The following COBLL1 variants were observed in gnomAD, a reference collection of about 807,000 sequenced individuals.
The protein encoded by COBLL1 is cordon-bleu protein-like 1.
A neutral mutation model predicts 94.8 loss-of-function variants in COBLL1; 50 were observed. That is an observed-to-expected ratio of 0.53 (90% confidence interval 0.42 to 0.67). The LOEUF (loss-of-function observed/expected upper bound fraction) is 0.67, where lower values mean the gene tolerates loss of function less well. COBLL1 is among the 30% of genes least tolerant of loss of function. The pLI is 0.00. For synonymous variants in COBLL1, 448 were observed against 473.8 expected, an observed-to-expected ratio of 0.95 and a Z score of 0.71; for missense variants, 1,362 against 1,348.7, an observed-to-expected ratio of 1.01 and a Z score of -0.15.
chr2:164,710,212 G>A (rs1684813986), intron 7 of COBLL1, among the ~76,000 whole-genome samples: 1 of 152,082 alleles, frequency 6.6e-6, no homozygotes, highest in African/African-American at 2.4e-5. Flanking sequence ...GAACAACTGG[G>A]ACTTGAGAAA....
In COBLL1 at chr2:164,685,436, T is replaced by C. The variant is rs959763133; in HGVS notation, c.*510A>G. The C allele has an allele frequency of 6.6e-6, 1 of 152,226 alleles. No individual in the cohort carries two copies. Among genetic ancestry groups the C allele is most frequent in the African/African-American group, 2.4e-5 (1 of 41,474 alleles). The allele number at this position is 152,226 out of a possible 1,614,324, so 9.4% of individuals were successfully genotyped here. On this transcript the variant is annotated 3_prime_UTR_variant, in exon 14 of 14. Coordinates refer to ENST00000652658, the MANE Select transcript of COBLL1 (RefSeq NM_001365672.2). Reference sequence around the variant, plus strand: ...AGTGATTCATCATTGAAAATAATTATTGAACTGAATATACTTATTTGGTAT... The same window carrying C: ...AGTGATTCATCATTGAAAATAATTACTGAACTGAATATACTTATTTGGTAT...
At chr2:164,726,516 A>T (rs1313473911) in intron 5 of COBLL1, among the ~76,000 whole-genome samples, 1 of 152,104 alleles carries the variant, frequency 6.6e-6, no homozygotes, top group Non-Finnish European at 1.5e-5. Flanking sequence ...AATAAATAAT[A>T]AAAAAATCAC....
chr2:164,738,632 C>T (rs183376707), intron 3 of COBLL1, among the ~76,000 whole-genome samples: 82 of 152,256 alleles, frequency 5.4e-4, no homozygotes, highest in Middle Eastern at 3.4e-3. Context: ...AGATGTTTAT[C>T]GATTATATAC....
chr2:164,732,597 G>T (rs562576645), intron 3 of COBLL1, among the ~76,000 whole-genome samples: 117 of 152,338 alleles, frequency 7.7e-4, no homozygotes, highest in African/African-American at 2.6e-3. Flanking sequence ...GTAGCTGTCT[G>T]CTGTTGTCTA....
In COBLL1 at chr2:164,695,268, T is replaced by C. The variant is rs1303202342; in HGVS notation, c.2124A>G (p.Arg708=). The C allele has an allele frequency of 6.2e-7, 1 of 1,613,852 alleles. No homozygotes were observed. The highest frequency in any genetic ancestry group is 8.5e-7 in the Non-Finnish European group (1 of 1,179,950). ...GTTTTGGCTTGGGATTGTAGTCCTG[T>C]CTATAAAGTGGGTAATTCTTTAGGT... The part of the protein sequence containing the change: ...ASYLKNYPLY[R]QDYNPKPKPS... Residue 708 remains arginine (R), a synonymous_variant, in exon 12 of 14, where the codon AGA becomes AGG. Coordinates refer to ENST00000652658, the MANE Select transcript of COBLL1 (RefSeq NM_001365672.2).
intron 13 of COBLL1, among the ~76,000 whole-genome samples, chr2:164,686,909 T>C (rs1683322833): frequency 6.6e-6 from 1 of 152,240 alleles, no homozygotes; most frequent in Admixed American, 6.5e-5. Flanking sequence ...GCCACAGATT[T>C]TCCTATTAAC....
At chr2:164,689,927 C>A (rs1408678405) in intron 13 of COBLL1, among the ~76,000 whole-genome samples, 1 of 152,058 alleles carries the variant, frequency 6.6e-6, no homozygotes, top group Admixed American at 6.6e-5. Context: ...ATGCATGCAT[C>A]ACTAAATAAT....
intron 13 of COBLL1, among the ~76,000 whole-genome samples, chr2:164,690,506 G>A (rs981831882): frequency 6.6e-6 from 1 of 152,124 alleles, no homozygotes; most frequent in Non-Finnish European, 1.5e-5. Context: ...GCCAAGTCAG[G>A]GTCCATAACA....
rs1355305792 is a variant in COBLL1, at chr2:164,695,673, A to G, written c.1719T>C (p.Ala573=). 6.2e-7 allele frequency: 1 copy of G among 1,613,896 alleles called. No homozygotes were observed. The highest frequency in any genetic ancestry group is 1.7e-5 in the Admixed American group (1 of 60,006). Residue 573 remains alanine (A), a synonymous_variant, in exon 12 of 14, where the codon GCT becomes GCC. Transcript: ENST00000652658. The stretch of plus-strand genomic sequence containing the variant: ...CTAGATGGTTTTCCTTGTAACTTAT[A>G]GCAGTATCAGTTTCATGTGCCTCAG... ...SNSEAHETDT[A]ISYKENHLAA...
intron 2 of COBLL1, among the ~76,000 whole-genome samples, chr2:164,758,865 A>T (rs1030846635): frequency 7.2e-5 from 11 of 152,258 alleles, no homozygotes; most frequent in East Asian, 3.9e-4. Flanking sequence ...TGGATTTTTT[A>T]AAATTTTACT....
chr2:164,774,514 CTAATA>C (rs1303861374), intron 2 of COBLL1, among the ~76,000 whole-genome samples: 19 of 152,304 alleles, frequency 1.2e-4, no homozygotes, highest in East Asian at 9.6e-4. Flanking sequence ...GCAGACTATT[CTAATA>C]TGAGTGACAG....
chr2:164,682,765 T>C lies in COBLL1; in HGVS notation c.*3181A>G, dbSNP rs1031208093. On this transcript the variant is annotated 3_prime_UTR_variant, in exon 14 of 14. Coordinates refer to ENST00000652658, the MANE Select transcript of COBLL1 (RefSeq NM_001365672.2). ...ATTTTTCAGAAGAGAAAATGAAGCA[T>C]AGAGAAAGTAATTTGCCCAAGATCC... The C allele has an allele frequency of 4.6e-5, 7 of 152,140 alleles. No homozygotes were observed. Among genetic ancestry groups the C allele is most frequent in the Non-Finnish European group, 1.0e-4 (7 of 68,020 alleles). The allele number at this position is 152,140 out of a possible 1,614,324, so 9.4% of individuals were successfully genotyped here.
intron 2 of COBLL1, among the ~76,000 whole-genome samples, chr2:164,808,343 C>T (rs1006564016): frequency 1.3e-5 from 2 of 152,108 alleles, no homozygotes; most frequent in African/African-American, 4.8e-5. Flanking sequence ...TAGGGACTTA[C>T]TGATATATAG....
At chr2:164,769,756 AG>A (rs1173284647) in intron 2 of COBLL1, among the ~76,000 whole-genome samples, 1 of 152,098 alleles carries the variant, frequency 6.6e-6, no homozygotes, top group Non-Finnish European at 1.5e-5. Context: ...ACTCTAAACC[AG>A]GAAGGGAAGA....
chr2:164,727,150 GA>G, intron 5 of COBLL1: 1 of 1,491,730 alleles, frequency 6.7e-7, no homozygotes, highest in Non-Finnish European at 9.1e-7. Flanking sequence ...AGTGGCTACA[GA>G]AGGAGGGGTA....
At chr2:164,805,344 T>TAAATATATATATATAAATATATATAA (rs1684078627) in intron 2 of COBLL1, among the ~76,000 whole-genome samples, 1 of 100,544 alleles carries the variant, frequency 9.9e-6, no homozygotes, top group Non-Finnish European at 2.0e-5. Flanking sequence ...TCTCTATATA[T>TAAATATATATATATAAATATATATAA]ATATATATAT....
At chr2:164,665,021 A>G (rs1056416698) in intron 2 of COBLL1, among the ~76,000 whole-genome samples, 2 of 152,212 alleles carry the variant, frequency 1.3e-5, no homozygotes, top group Non-Finnish European at 2.9e-5. Context: ...GGTCATATCA[A>G]GATGGCAGAT....
chr2:164,681,538 G>C lies in COBLL1; in HGVS notation c.*4408C>G, dbSNP rs1287857984. Reference sequence around the variant, plus strand: ...GGAGCTGCAAAGTCACACAGCAAAAGGTACGGATGCAAGAGAGGGAAAGAA... The same window carrying C: ...GGAGCTGCAAAGTCACACAGCAAAACGTACGGATGCAAGAGAGGGAAAGAA... On this transcript the variant is annotated 3_prime_UTR_variant, in exon 14 of 14. Coordinates refer to ENST00000652658, the MANE Select transcript of COBLL1 (RefSeq NM_001365672.2). 6.6e-6 allele frequency: 1 copy of C among 152,222 alleles called. No individual in the cohort carries two copies. The highest frequency in any genetic ancestry group is 2.4e-5 in the African/African-American group (1 of 41,448). The allele number at this position is 152,222 out of a possible 1,614,324, so 9.4% of individuals were successfully genotyped here. A position where few individuals can be genotyped will look rare whatever the true frequency, so the allele number is the denominator to read the frequency against.
intron 7 of COBLL1, among the ~76,000 whole-genome samples, chr2:164,716,484 T>C (rs1011068305): frequency 2.0e-5 from 3 of 152,110 alleles, no homozygotes; most frequent in African/African-American, 7.2e-5. Flanking sequence ...TTCACCTTCA[T>C]AGGAAAAATG....
Sources: allele counts gnomAD v4.1 joint callset (sites outside exome capture counted in the v4.1 genomes callset), GRCh38; gene constraint gnomAD v4.1.1; transcripts MANE v1.5; gene names NCBI Gene and HGNC (gene_info 2026-07-23, HGNC 2026-07-21).